Variants in LYPD6 observed in about 807,000 individuals in gnomAD.
LYPD6 encodes ly6/PLAUR domain-containing protein 6.
Under a neutral mutation model 22.7 loss-of-function variants are expected in LYPD6, and 15 were observed. The ratio of observed to expected loss-of-function variants is 0.66; its 90% CI spans 0.44 to 1.02. The LOEUF is 1.02. LYPD6 is among the 50% of genes least tolerant of loss of function. The pLI is 0.00. For missense variants in LYPD6, 189 were observed against 208.4 expected, an observed-to-expected ratio of 0.91 and a Z score of 0.57; for synonymous variants, 72 against 77.5, an observed-to-expected ratio of 0.93 and a Z score of 0.37.
At chr2:149,433,240 T>G (rs1683356522) in intron 1 of LYPD6, among the ~76,000 whole-genome samples, 1 of 152,164 alleles carries the variant, frequency 6.6e-6, no homozygotes, top group Non-Finnish European at 1.5e-5. Flanking sequence ...ATTTGAAAAC[T>G]TGTGCTAAAG....
At chr2:149,478,075 G>C (rs1681470242), downstream of LYPD6, among the ~76,000 whole-genome samples, 1 of 152,138 alleles carries the variant, frequency 6.6e-6, no homozygotes, top group African/African-American at 2.4e-5. Context: ...GCTAGTATCT[G>C]CCTGTTAGAA....
chr2:149,473,474 T>G lies in LYPD6; in HGVS notation c.*2624T>G, dbSNP rs1280042373. 1.3e-5 allele frequency: 2 copies of G among 152,766 alleles called. No homozygotes were observed. The highest frequency in any genetic ancestry group is 3.9e-4 in the East Asian group (2 of 5,182). The allele number at this position is 152,766 out of a possible 1,614,324, so 9.5% of individuals were successfully genotyped here. On this transcript the variant is annotated 3_prime_UTR_variant, in exon 5 of 5. Transcript: ENST00000334166. ...TTACATCTCAATATTGGTAATGGCT[T>G]AAGTGTAAAGAGCCATGATGTGTAT...
chr2:149,417,299 TG>T (rs1357787076), intron 1 of LYPD6, among the ~76,000 whole-genome samples: 1 of 152,222 alleles, frequency 6.6e-6, no homozygotes, highest in African/African-American at 2.4e-5. Flanking sequence ...TATACTGCCT[TG>T]TATATACTGA....
At chr2:149,381,768 C>T (rs141705912) in intron 1 of LYPD6, among the ~76,000 whole-genome samples, 111 of 152,290 alleles carry the variant, frequency 7.3e-4, no homozygotes, top group Non-Finnish European at 1.3e-3. Flanking sequence ...GCCCCAACAA[C>T]CCTGTGAAGT....
At chr2:149,358,500 C>T (rs955247733) in intron 1 of LYPD6, among the ~76,000 whole-genome samples, 26 of 151,906 alleles carry the variant, frequency 1.7e-4, no homozygotes, top group Non-Finnish European at 3.5e-4. Flanking sequence ...AGAAAGAAGG[C>T]CAAAAGAATG....
At chr2:149,431,741 A>T (rs1683317443) in intron 1 of LYPD6, among the ~76,000 whole-genome samples, 1 of 152,174 alleles carries the variant, frequency 6.6e-6, no homozygotes, top group Non-Finnish European at 1.5e-5. Context: ...AAGGGAACAA[A>T]ATCTGTTTAT....
At position 149,468,632 on chromosome 2, in the gene LYPD6, T is replaced by C. The variant is rs947477619; in HGVS notation, c.218-13T>C. ...AACATTTCCCATCTCAAATATATTT[T>C]CTCTGTTGACAGAGACCAGATACTG... On this transcript the variant is annotated splice_polypyrimidine_tract_variant and intron_variant, in intron 3 of 4. Coordinates refer to ENST00000334166, the MANE Select transcript of LYPD6 (RefSeq NM_194317.5). 13 of 1,609,688 alleles carry C rather than the reference T, an allele frequency of 8.1e-6. No individual in the cohort carries two copies. The Admixed American group carries it at 1.9e-4, about 23-fold the overall frequency.
chr2:149,401,551 C>T (rs1480713201), intron 1 of LYPD6, among the ~76,000 whole-genome samples: 1 of 152,204 alleles, frequency 6.6e-6, no homozygotes, highest in Non-Finnish European at 1.5e-5. Context: ...TGTATCCACA[C>T]ATCTCATATT....
intron 1 of LYPD6, among the ~76,000 whole-genome samples, chr2:149,422,899 C>T (rs778459061): frequency 1.3e-5 from 2 of 152,068 alleles, no homozygotes; most frequent in Non-Finnish European, 2.9e-5. Context: ...AGCATAATGT[C>T]CTCTAGGTTC....
At position 149,427,112 on chromosome 2, in the gene LYPD6, GC is replaced by G. The variant is rs537846294; in HGVS notation, c.-71-10524del. Among the ~76,000 whole-genome samples the G allele has an allele frequency of 1.6e-3, 243 of 152,162 alleles. 1 individual carries two copies. Among genetic ancestry groups the G allele is most frequent in the Non-Finnish European group, 2.5e-3 (170 of 68,018 alleles). The stretch of plus-strand genomic sequence containing the variant: ...ACAGAAATGACTACCTCTATATAGT[GC>G]CAAGGTAACTCTTTTTTTGATTAAA... On this transcript the variant is annotated intron_variant, in intron 1 of 4. Coordinates refer to ENST00000334166, the MANE Select transcript of LYPD6 (RefSeq NM_194317.5).
intron 1 of LYPD6, among the ~76,000 whole-genome samples, chr2:149,345,376 A>G (rs1196690): frequency 0.61 from 90,150 of 147,934 alleles, 27,778 homozygotes; most frequent in East Asian, 0.9. Context: ...GCGCGATCTC[A>G]GGTCACTGCA....
chr2:149,368,796 A>G (rs2105075407), intron 1 of LYPD6, among the ~76,000 whole-genome samples: 1 of 152,250 alleles, frequency 6.6e-6, no homozygotes, highest in Non-Finnish European at 1.5e-5. Context: ...GAGATCCTAA[A>G]GATGCAGAAT....
In LYPD6 at chr2:149,468,769, C is replaced by A; in HGVS notation, c.342C>A (p.Gly114=). 1 of 1,613,318 alleles carries A rather than the reference C, an allele frequency of 6.2e-7. No homozygotes were observed. Among genetic ancestry groups the A allele is most frequent in the South Asian group, 1.1e-5 (1 of 91,060 alleles). ...STGCRDSEHE[G]HKVCTSCCEG... is the part of the protein sequence containing the mutation. ...GCTGCAGAGACTCCGAGCATGAAGG[C>A]CACAAGGTCTGGGCAACAGAGCAAG... The change falls in exon 4 of 5, where the codon GGC becomes GGA. Residue 114 remains glycine (G), a synonymous_variant. Coordinates refer to ENST00000334166, the MANE Select transcript of LYPD6 (RefSeq NM_194317.5).
intron 1 of LYPD6, among the ~76,000 whole-genome samples, chr2:149,344,913 G>C (rs1287151894): frequency 1.3e-5 from 2 of 152,168 alleles, no homozygotes; most frequent in African/African-American, 4.8e-5. Context: ...GGCAGGCATA[G>C]TGTCTTGTGC....
intron 1 of LYPD6, among the ~76,000 whole-genome samples, chr2:149,391,390 ACTT>A (rs1055252296): frequency 1.3e-5 from 2 of 151,750 alleles, no homozygotes; most frequent in African/African-American, 4.8e-5. Flanking sequence ...AATGGAGAAA[ACTT>A]CTTGCCCTAA....
intron 1 of LYPD6, among the ~76,000 whole-genome samples, chr2:149,335,212 T>A (rs1275103055): frequency 6.6e-6 from 1 of 152,096 alleles, no homozygotes; most frequent in African/African-American, 2.4e-5. Flanking sequence ...AGCATTGTTA[T>A]CATAGGAGAT....
intron 1 of LYPD6, among the ~76,000 whole-genome samples, chr2:149,334,946 C>G (rs1681007892): frequency 6.6e-6 from 1 of 151,986 alleles, no homozygotes; most frequent in South Asian, 2.1e-4. Flanking sequence ...GATGTCGTGG[C>G]ACAACACATT....
intron 1 of LYPD6, among the ~76,000 whole-genome samples, chr2:149,405,753 A>T (rs1306065758): frequency 6.6e-6 from 1 of 150,988 alleles, no homozygotes; most frequent in Non-Finnish European, 1.5e-5. Flanking sequence ...CTCTGATTTT[A>T]GTTATTTCTT....
At chr2:149,364,428 T>G (rs1455440021) in intron 1 of LYPD6, among the ~76,000 whole-genome samples, 1 of 152,104 alleles carries the variant, frequency 6.6e-6, no homozygotes. Flanking sequence ...TTTTGAAAAA[T>G]TAATGAGTTT....
Sources: gnomAD v4.1 joint callset for allele counts (sites outside exome capture counted in the v4.1 genomes callset) on GRCh38, gnomAD v4.1.1 for gene constraint, MANE v1.5 for transcripts, NCBI Gene and HGNC (gene_info 2026-07-23, HGNC 2026-07-21) for gene names.